NPHP4: variants seen among roughly 807,000 people sequenced by gnomAD.
NPHP4 encodes the protein nephrocystin-4.
NPHP4 carries 151 observed loss-of-function variants against 155.8 expected under a neutral mutation model. That is an observed-to-expected ratio of 0.97 (90% confidence interval 0.85 to 1.11). The LOEUF is 1.11. Among genes scored for constraint, NPHP4 ranks in the 50% least tolerant of loss-of-function variants. NPHP4 has a pLI of 0.00. For synonymous variants in NPHP4, 845 were observed against 816.8 expected (o/e 1.03, Z -0.59); for missense variants, 1,956 against 1,925.7 (o/e 1.02, Z -0.29).
rs575438284 is a variant in NPHP4 at position 5,914,257 on chromosome 1, C to CAAAAAAAAAAA, written c.1442-5055_1442-5045dup. ...GCAACATGGCAAAATCTTATCTATA[C>CAAAAAAAAAAA]AAAAAAAAAAAAAAAAAAAAAAAAA... On this transcript the variant is annotated intron_variant, in intron 11 of 29. Transcript: ENST00000378156. Among the ~76,000 whole-genome samples, 39 of 47,394 alleles carry CAAAAAAAAAAA rather than the reference C, an allele frequency of 8.2e-4. 5 individuals carry two copies. The highest frequency in any genetic ancestry group is 1.5e-3 in the African/African-American group (25 of 16,190). 31.1% of individuals were successfully genotyped at this position (47,394 alleles called of 152,430 possible).
intron 5 of NPHP4, among the ~76,000 whole-genome samples, chr1:5,964,726 C>T (rs1006046804): frequency 2.6e-5 from 4 of 151,230 alleles, no homozygotes; most frequent in Non-Finnish European, 4.4e-5. Flanking sequence ...TCTTTGCAGC[C>T]GACACAAAGT....
At chr1:5,959,435 A>G (rs1241210291) in intron 6 of NPHP4, among the ~76,000 whole-genome samples, 1 of 152,174 alleles carries the variant, frequency 6.6e-6, no homozygotes, top group Non-Finnish European at 1.5e-5. Flanking sequence ...CCTTGGCCCC[A>G]GCTTGACACA....
intron 17 of NPHP4, chr1:5,888,293 C>T (rs982247997): frequency 2.0e-5 from 20 of 977,222 alleles, no homozygotes; most frequent in Admixed American, 6.1e-5. Context: ...AACGGCCTCA[C>T]GGCTGTGCCC....
intron 16 of NPHP4, among the ~76,000 whole-genome samples, chr1:5,902,443 G>T (rs1280837362): frequency 6.6e-6 from 1 of 152,232 alleles, no homozygotes; most frequent in Non-Finnish European, 1.5e-5. Context: ...GATAAAGAAA[G>T]TGATATTTTC....
At chr1:5,971,762 G>C (rs776195378) in intron 3 of NPHP4, among the ~76,000 whole-genome samples, 1 of 150,952 alleles carries the variant, frequency 6.6e-6, no homozygotes, top group Non-Finnish European at 1.5e-5. Flanking sequence ...CATTTGGAAA[G>C]GAACATTCTC....
At chr1:5,864,688 G>A in intron 27 of NPHP4, 171 bp from the exon 28 acceptor site, 1 of 575,200 alleles carries the variant, frequency 1.7e-6, no homozygotes, top group South Asian at 2.7e-5. Context: ...CCGCGACTTG[G>A]GTCCACACCA....
rs1349481358 is a variant in NPHP4, at chr1:5,946,862, C to T, written c.1119+242G>A. On this transcript the variant is annotated intron_variant, in intron 9 of 29. Coordinates refer to ENST00000378156, the MANE Select transcript of NPHP4 (RefSeq NM_015102.5). Reference sequence around the variant, plus strand: ...TGAACCCATGGAAGTGCCCAGAGGGCGGTGCCCAGGAGGGCATGGGAGCTC... The same window carrying T: ...TGAACCCATGGAAGTGCCCAGAGGGTGGTGCCCAGGAGGGCATGGGAGCTC... 2.6e-5 allele frequency among the ~76,000 whole-genome samples: 4 copies of T among 152,370 alleles called. 1 individual carries two copies. Among genetic ancestry groups the T allele is most frequent in the South Asian group, 4.1e-4 (2 of 4,830 alleles).
chr1:5,956,242 T>C (rs762200718), intron 6 of NPHP4, among the ~76,000 whole-genome samples: 2 of 152,192 alleles, frequency 1.3e-5, no homozygotes, highest in Non-Finnish European at 2.9e-5. Context: ...AAGTCAGTGC[T>C]CCTGGAAGTG....
intron 9 of NPHP4, among the ~76,000 whole-genome samples, chr1:5,941,027 G>A (rs1387382825): frequency 6.6e-6 from 1 of 152,100 alleles, no homozygotes; most frequent in Non-Finnish European, 1.5e-5. Context: ...AGCTGAACTT[G>A]CCTTACCAAA....
At chr1:5,920,841 CAGA>C (rs1368101509) in intron 11 of NPHP4, among the ~76,000 whole-genome samples, 1 of 152,186 alleles carries the variant, frequency 6.6e-6, no homozygotes, top group Admixed American at 6.5e-5. Context: ...TTTTCTCACA[CAGA>C]AGTTTTATAT....
intron 16 of NPHP4, among the ~76,000 whole-genome samples, chr1:5,895,719 T>C (rs1296802616): frequency 1.3e-5 from 2 of 152,172 alleles, no homozygotes; most frequent in Admixed American, 6.5e-5. Context: ...CATTATCCCC[T>C]TTCCAGAACC....
At position 5,865,096 on chromosome 1, in the gene NPHP4, C is replaced by A. The variant is rs1286467835; in HGVS notation, c.3816+6G>T. The A allele has an allele frequency of 6.2e-7, 1 of 1,613,256 alleles. No homozygotes were observed. The highest frequency in any genetic ancestry group is 2.2e-5 in the East Asian group (1 of 44,872). On this transcript the variant is annotated splice_donor_region_variant and intron_variant, in intron 27 of 29. Transcript: ENST00000378156. ...AGGCTCAGAACAGCCCCCAGAGAGG[C>A]CGTACCTTCAGCTCCTGGGGATGAG... is the stretch of plus-strand genomic sequence containing the variant.
At chr1:5,967,418 G>A in intron 4 of NPHP4, 55 bp from the exon 5 acceptor site, 1 of 1,400,068 alleles carries the variant, frequency 7.1e-7, no homozygotes, top group Admixed American at 1.9e-5. Context: ...TTCTCAGAAG[G>A]AAAGCACATG....
At chr1:5,897,097 T>C in intron 16 of NPHP4, among the ~76,000 whole-genome samples, 1 of 152,226 alleles carries the variant, frequency 6.6e-6, no homozygotes, top group Non-Finnish European at 1.5e-5. Flanking sequence ...AGCATGTATA[T>C]GTAGTTCATC....
chr1:5,967,817 TG>T (rs1013037258), intron 4 of NPHP4, among the ~76,000 whole-genome samples: 4 of 152,088 alleles, frequency 2.6e-5, no homozygotes, highest in African/African-American at 9.7e-5. Context: ...TCTAGTGCGT[TG>T]CCAGGGATGC....
At position 5,978,812 on chromosome 1, in the gene NPHP4, T is replaced by A. The variant is rs116143755; in HGVS notation, c.136-399A>T. Among the ~76,000 whole-genome samples, 1,323 of 152,346 alleles carry A rather than the reference T, an allele frequency of 8.7e-3. 15 individuals are homozygous for A. The highest frequency in any genetic ancestry group is 0.022 in the South Asian group (104 of 4,832). ...CTCAAGCCACACCTGAAGCTTATGC[T>A]GGCTGTGGATTTGCTGTGAGTCAAC... On this transcript the variant is annotated intron_variant, in intron 2 of 29. Transcript: ENST00000378156.
intron 2 of NPHP4, among the ~76,000 whole-genome samples, chr1:5,984,091 A>G (rs1655115312): frequency 6.6e-6 from 1 of 152,206 alleles, no homozygotes; most frequent in South Asian, 2.1e-4. Context: ...ATGACTGGGA[A>G]AAGTCTAAAT....
In NPHP4 at chr1:5,948,099, G is replaced by A. The variant is rs940285852; in HGVS notation, c.963C>T (p.Ser321=). The change falls in exon 8 of 30, where the codon AGC becomes AGT. Residue 321 remains serine (S), a synonymous_variant. Transcript: ENST00000378156. The part of the protein sequence containing the change: ...DVALTRSASF[S]RKVVSSSKTS... Reference sequence around the variant, plus strand: ...TCTTGGAAGAGGAGACCACTTTCCTGCTGAAGCTAGCTGAGCGCGTCAAGG... The same window carrying A: ...TCTTGGAAGAGGAGACCACTTTCCTACTGAAGCTAGCTGAGCGCGTCAAGG... The A allele has an allele frequency of 3.1e-6, 5 of 1,613,748 alleles. No homozygotes were observed. Among genetic ancestry groups the A allele is most frequent in the Non-Finnish European group, 4.2e-6 (5 of 1,179,854 alleles).
chr1:5,877,880 T>G (rs188902806), intron 19 of NPHP4, among the ~76,000 whole-genome samples: 1 of 152,132 alleles, frequency 6.6e-6, no homozygotes, highest in African/African-American at 2.4e-5. Flanking sequence ...AATGACTCAT[T>G]TAGCAAACCA....
Sources: allele counts gnomAD v4.1 joint callset (sites outside exome capture counted in the v4.1 genomes callset), GRCh38; gene constraint gnomAD v4.1.1; transcripts MANE v1.5; gene names NCBI Gene and HGNC (gene_info 2026-07-23, HGNC 2026-07-21).